RIT2: variants seen among roughly 807,000 people sequenced by gnomAD.
RIT2 encodes the protein GTP-binding protein Rit2.
RIT2 carries 24 observed loss-of-function variants against 23.7 expected under a neutral mutation model. The observed-to-expected ratio is 1.01, with a 90% confidence interval of 0.73 to 1.43. The LOEUF (loss-of-function observed/expected upper bound fraction) is 1.43, where lower values mean the gene tolerates loss of function less well. Ranked by LOEUF, RIT2 falls within the 40% of genes most tolerant of loss-of-function variation. The pLI, the probability that RIT2 is intolerant of heterozygous loss-of-function variation, is 0.00. For missense variants in RIT2, 236 were observed against 266.9 expected (o/e 0.88, Z 0.81); for synonymous variants, 107 against 91.1 (o/e 1.17, Z -0.99).
At chr18:42,911,862 A>C (rs1333166871) in intron 4 of RIT2, among the ~76,000 whole-genome samples, 1 of 151,864 alleles carries the variant, frequency 6.6e-6, no homozygotes, top group African/African-American at 2.4e-5. Flanking sequence ...CCAAATATTC[A>C]AAAAAGAGTT....
chr18:42,830,101 TTTC>T (rs1164925317), intron 4 of RIT2, among the ~76,000 whole-genome samples: 2 of 152,160 alleles, frequency 1.3e-5, no homozygotes, highest in Admixed American at 6.5e-5. Context: ...TCCAGTTGTT[TTTC>T]TTGACATATA....
chr18:42,911,282 A>G (rs1908762846), intron 4 of RIT2, among the ~76,000 whole-genome samples: 2 of 151,988 alleles, frequency 1.3e-5, no homozygotes, highest in South Asian at 4.1e-4. Context: ...GAAGAGCTAA[A>G]TAAATTCAAA....
At chr18:42,893,092 G>A (rs1301665353) in intron 4 of RIT2, among the ~76,000 whole-genome samples, 1 of 151,986 alleles carries the variant, frequency 6.6e-6, no homozygotes, top group Non-Finnish European at 1.5e-5. Context: ...CCTGGACATG[G>A]TGGTGCGTGC....
chr18:42,870,306 T>C (rs1026599326), intron 4 of RIT2, among the ~76,000 whole-genome samples: 61 of 152,132 alleles, frequency 4.0e-4, no homozygotes, highest in African/African-American at 1.4e-3. Flanking sequence ...AGTGGTGCGA[T>C]CTCGGCTCAG....
chr18:42,917,054 C>T (rs1031715681), intron 4 of RIT2, among the ~76,000 whole-genome samples: 1 of 152,138 alleles, frequency 6.6e-6, no homozygotes, highest in Non-Finnish European at 1.5e-5. Context: ...AAGGGTGTGA[C>T]ATCAGGCAAG....
intron 2 of RIT2, among the ~76,000 whole-genome samples, chr18:42,998,136 G>A (rs1047711238): frequency 6.6e-6 from 1 of 151,900 alleles, no homozygotes; most frequent in Non-Finnish European, 1.5e-5. Context: ...ATAAACCATG[G>A]GATGGCACAG....
intron 4 of RIT2, among the ~76,000 whole-genome samples, chr18:42,914,725 A>G (rs1908861496): frequency 6.6e-6 from 1 of 152,014 alleles, no homozygotes; most frequent in Non-Finnish European, 1.5e-5. Flanking sequence ...TACACACGTG[A>G]CATAATTGCA....
At chr18:42,965,017 A>G (rs1211273784) in intron 3 of RIT2, among the ~76,000 whole-genome samples, 1 of 152,202 alleles carries the variant, frequency 6.6e-6, no homozygotes, top group Admixed American at 6.5e-5. Context: ...TACCTTAACA[A>G]CACATTAATG....
intron 3 of RIT2, among the ~76,000 whole-genome samples, chr18:42,943,098 A>G (rs1037722677): frequency 1.3e-5 from 2 of 152,080 alleles, no homozygotes; most frequent in African/African-American, 2.4e-5. Context: ...CTACAGGTGG[A>G]AGGGGACCCG....
chr18:43,106,722 T>C (rs1267802940), intron 1 of RIT2, among the ~76,000 whole-genome samples: 1 of 152,208 alleles, frequency 6.6e-6, no homozygotes, highest in Non-Finnish European at 1.5e-5. Flanking sequence ...GATGCTGAAA[T>C]GCTTGGAGTA....
At chr18:43,068,523 A>T (rs1039189054) in intron 1 of RIT2, among the ~76,000 whole-genome samples, 7 of 152,106 alleles carry the variant, frequency 4.6e-5, no homozygotes, top group Admixed American at 2.6e-4. Flanking sequence ...AATCAGAGAG[A>T]TCCATAGCAA....
chr18:42,957,808 GATTC>G (rs1442254971), intron 3 of RIT2, among the ~76,000 whole-genome samples: 3 of 152,048 alleles, frequency 2.0e-5, no homozygotes, highest in Non-Finnish European at 4.4e-5. Flanking sequence ...CTAATTAATT[GATTC>G]ATTAATTAAT....
At chr18:43,021,272 A>G (rs1019183620) in intron 2 of RIT2, among the ~76,000 whole-genome samples, 1 of 152,170 alleles carries the variant, frequency 6.6e-6, no homozygotes, top group African/African-American at 2.4e-5. Context: ...TCCAAGAAGT[A>G]TACGAAGAAA....
intron 4 of RIT2, among the ~76,000 whole-genome samples, chr18:42,902,203 C>G (rs551682905): frequency 6.6e-6 from 1 of 151,476 alleles, no homozygotes; most frequent in South Asian, 2.1e-4. Context: ...AAAGGTATGA[C>G]GCAGATAAAC....
intron 4 of RIT2, among the ~76,000 whole-genome samples, chr18:42,876,757 A>G (rs114539005): frequency 6.6e-6 from 1 of 151,802 alleles, no homozygotes; most frequent in South Asian, 2.1e-4. Context: ...TAAGAAATAC[A>G]TTGTTAAATG....
intron 1 of RIT2, among the ~76,000 whole-genome samples, chr18:43,051,673 G>T (rs938625154): frequency 2.0e-5 from 3 of 152,024 alleles, no homozygotes; most frequent in African/African-American, 4.8e-5. Context: ...ACTGGCCATT[G>T]GTCTAAATCT....
At position 42,743,530 on chromosome 18, in the gene RIT2, T is replaced by C; in HGVS notation, c.617A>G (p.Lys206Arg). Residue 206 changes from lysine to arginine, a missense_variant, in exon 5 of 5, where the codon AAA becomes AGA. Lys to Arg is a conservative substitution (Grantham distance 26). Coordinates refer to ENST00000326695, the MANE Select transcript of RIT2 (RefSeq NM_002930.4). The stretch of plus-strand genomic sequence containing the variant: ...TTCTCTCTTCTTCTTCAAAGAACCT[T>C]TGAGCTTCTTCCACAGGCTGTCTTT... ...KRKDSLWKKLKGSLKKKRENM... is the reference protein window; with the variant it reads ...KRKDSLWKKLRGSLKKKRENM... The C allele has an allele frequency of 6.8e-6, 11 of 1,613,742 alleles. No homozygotes were observed. The highest frequency in any genetic ancestry group is 9.3e-6 in the Non-Finnish European group (11 of 1,179,702).
intron 4 of RIT2, among the ~76,000 whole-genome samples, chr18:42,834,586 T>C (rs1321310604): frequency 6.6e-6 from 1 of 152,018 alleles, no homozygotes; most frequent in Admixed American, 6.5e-5. Flanking sequence ...CATACTTCTA[T>C]GATAGCTTTG....
chr18:42,851,742 C>G (rs1481888464), intron 4 of RIT2, among the ~76,000 whole-genome samples: 1 of 152,022 alleles, frequency 6.6e-6, no homozygotes, highest in Non-Finnish European at 1.5e-5. Flanking sequence ...CCCAGCTACT[C>G]CAGAGGCTGA....
Sources: gnomAD v4.1 joint callset for allele counts (sites outside exome capture counted in the v4.1 genomes callset) on GRCh38, gnomAD v4.1.1 for gene constraint, MANE v1.5 for transcripts, NCBI Gene and HGNC (gene_info 2026-07-23, HGNC 2026-07-21) for gene names.